The following SUMF1 variants were observed in gnomAD, a reference collection of about 807,000 sequenced individuals.
SUMF1 encodes the protein sulfatase modifying factor 1, also known as formylglycine-generating enzyme.
Under a neutral mutation model 47.6 loss-of-function variants are expected in SUMF1, and 48 were observed. The ratio of observed to expected loss-of-function variants is 1.01; its 90% confidence interval spans 0.80 to 1.28. The LOEUF (loss-of-function observed/expected upper bound fraction) is 1.28, where lower values mean the gene tolerates loss of function less well. Ranked by LOEUF, SUMF1 falls within the 50% of genes most tolerant of loss-of-function variation. The pLI is 0.00. For synonymous variants in SUMF1, 230 were observed against 192.1 expected (o/e 1.20, Z -1.63); for missense variants, 571 against 485.4 (o/e 1.18, Z -1.66).
At chr3:4,344,477 G>C (rs1281595304) in intron 8 of SUMF1, among the ~76,000 whole-genome samples, 1 of 152,078 alleles carries the variant, frequency 6.6e-6, no homozygotes, top group Non-Finnish European at 1.5e-5. Context: ...CAAGCAGAAA[G>C]TGACAACAAC....
chr3:4,248,090 T>G (rs375459267), intron 8 of SUMF1, among the ~76,000 whole-genome samples: 85 of 152,370 alleles, frequency 5.6e-4, no homozygotes, highest in African/African-American at 1.9e-3. Context: ...CTAGTATTAA[T>G]TTAATGGGAT....
intron 8 of SUMF1, among the ~76,000 whole-genome samples, chr3:4,342,300 A>G (rs576579229): frequency 6.6e-6 from 1 of 152,340 alleles, no homozygotes; most frequent in East Asian, 1.9e-4. Flanking sequence ...TGGGAGGCCA[A>G]GGCAGGTGGA....
At chr3:4,269,588 C>G (rs1003541090) in intron 8 of SUMF1, among the ~76,000 whole-genome samples, 1 of 152,096 alleles carries the variant, frequency 6.6e-6, no homozygotes, top group Non-Finnish European at 1.5e-5. Context: ...CACTACAGGA[C>G]AGAGGAGAGT....
chr3:4,406,756 A>G (rs1234131756), intron 7 of SUMF1, among the ~76,000 whole-genome samples: 1 of 152,230 alleles, frequency 6.6e-6, no homozygotes, highest in African/African-American at 2.4e-5. Flanking sequence ...AGAGGGAAAG[A>G]TATCACAGAT....
At chr3:4,205,795 G>A (rs1294069478) in intron 8 of SUMF1, among the ~76,000 whole-genome samples, 4 of 151,998 alleles carry the variant, frequency 2.6e-5, no homozygotes, top group Admixed American at 2.0e-4. Flanking sequence ...CTCTCTTCAC[G>A]CTGACCTACC....
At chr3:4,310,511 A>G (rs1453420219) in intron 8 of SUMF1, among the ~76,000 whole-genome samples, 1 of 152,180 alleles carries the variant, frequency 6.6e-6, no homozygotes, top group Non-Finnish European at 1.5e-5. Context: ...CGGGGAAAAA[A>G]TTTATTTAAA....
chr3:4,136,831 C>G (rs1033033910), intron 8 of SUMF1, among the ~76,000 whole-genome samples: 80 of 152,126 alleles, frequency 5.3e-4, no homozygotes, highest in Non-Finnish European at 8.7e-4. Context: ...AGACACTTCT[C>G]CAAAGAAGAC....
At chr3:4,456,459 T>C (rs2079602076) in intron 1 of SUMF1, among the ~76,000 whole-genome samples, 1 of 149,152 alleles carries the variant, frequency 6.7e-6, no homozygotes, top group South Asian at 2.1e-4. Flanking sequence ...TCTTTGTTTT[T>C]TTTTTTTTTT....
At chr3:4,076,532 G>A (rs1210291989) in intron 8 of SUMF1, among the ~76,000 whole-genome samples, 1 of 152,086 alleles carries the variant, frequency 6.6e-6, no homozygotes, top group Non-Finnish European at 1.5e-5. Context: ...CACAGCAAAT[G>A]AAACTACCAT....
chr3:4,070,010 G>T (rs894461086), intron 8 of SUMF1, among the ~76,000 whole-genome samples: 4 of 152,132 alleles, frequency 2.6e-5, no homozygotes, highest in African/African-American at 9.7e-5. Flanking sequence ...TCTGCTATCT[G>T]AGAAATTCCT....
chr3:4,077,373 A>G (rs1692462272), intron 8 of SUMF1, among the ~76,000 whole-genome samples: 1 of 152,158 alleles, frequency 6.6e-6, no homozygotes, highest in Non-Finnish European at 1.5e-5. Context: ...TTATTGTGGC[A>G]CTATTCACAA....
chr3:4,239,157 A>C (rs1696479912), intron 8 of SUMF1, among the ~76,000 whole-genome samples: 1 of 152,148 alleles, frequency 6.6e-6, no homozygotes, highest in Non-Finnish European at 1.5e-5. Context: ...TACCCGTACC[A>C]TGCTATTTTG....
At chr3:4,255,037 T>C (rs1476442565) in intron 8 of SUMF1, among the ~76,000 whole-genome samples, 2 of 150,216 alleles carry the variant, frequency 1.3e-5, no homozygotes, top group African/African-American at 4.9e-5. Context: ...GAAGGAGAAA[T>C]AAAATCCTTT....
At chr3:4,383,234 C>T (rs1700566422) in intron 7 of SUMF1, among the ~76,000 whole-genome samples, 2 of 152,046 alleles carry the variant, frequency 1.3e-5, no homozygotes, top group Non-Finnish European at 2.9e-5. Flanking sequence ...CAAAAATTAG[C>T]CAGTCGTGGT....
intron 8 of SUMF1, among the ~76,000 whole-genome samples, chr3:4,076,130 T>C (rs1164615006): frequency 6.6e-6 from 1 of 152,036 alleles, no homozygotes; most frequent in East Asian, 1.9e-4. Flanking sequence ...ATGGTACTGG[T>C]ACCAAAACAG....
intron 8 of SUMF1, among the ~76,000 whole-genome samples, chr3:4,173,942 G>A (rs1694895945): frequency 6.6e-6 from 1 of 152,126 alleles, no homozygotes. Context: ...ACAGGTTGAT[G>A]GGTGTGGCAA....
intron 8 of SUMF1, among the ~76,000 whole-genome samples, chr3:4,127,896 G>C (rs957209803): frequency 6.6e-6 from 1 of 152,076 alleles, no homozygotes; most frequent in Non-Finnish European, 1.5e-5. Context: ...GATAGTCCTT[G>C]GCATGAACTG....
intron 8 of SUMF1, among the ~76,000 whole-genome samples, chr3:4,268,791 A>G (rs1697249080): frequency 6.6e-6 from 1 of 152,044 alleles, no homozygotes; most frequent in Admixed American, 6.6e-5. Flanking sequence ...ACCACTCTCC[A>G]CTTAGCTACT....
intron 8 of SUMF1, among the ~76,000 whole-genome samples, chr3:4,137,791 A>G (rs1693976873): frequency 6.6e-6 from 1 of 152,094 alleles, no homozygotes; most frequent in African/African-American, 2.4e-5. Flanking sequence ...TTACCACTGT[A>G]CTGGAGGTTC....
Sources: gnomAD v4.1 joint callset for allele counts (sites outside exome capture counted in the v4.1 genomes callset) on GRCh38, gnomAD v4.1.1 for gene constraint, MANE v1.5 for transcripts, NCBI Gene and HGNC (gene_info 2026-07-23, HGNC 2026-07-21) for gene names.